ST18: variants seen among roughly 807,000 people sequenced by gnomAD.
ST18 encodes suppression of tumorigenicity 18 protein.
Under a neutral mutation model 110.0 loss-of-function variants are expected in ST18, and 50 were observed. The observed-to-expected ratio is 0.45, with a 90% CI of 0.36 to 0.58. The LOEUF is 0.58. ST18 is among the 20% of genes least tolerant of loss of function. The probability of loss-of-function intolerance (pLI) is 0.00; values close to 1 mark genes in which losing one functional copy is unlikely to be tolerated. For synonymous variants in ST18, 461 were observed against 452.4 expected (o/e 1.02, Z -0.24); for missense variants, 1,306 against 1,280.1 (o/e 1.02, Z -0.31).
At chr8:52,180,351 G>A (rs1283953773) in intron 8 of ST18, 39 bp from the exon 9 acceptor site, 3 of 1,598,460 alleles carry the variant, frequency 1.9e-6, no homozygotes, top group Non-Finnish European at 2.6e-6. Flanking sequence ...TGGTAAATTA[G>A]CATTTACTGC....
Position 52,347,819 on chromosome 8 carries a change from C to A in ST18, c.-465+61509G>T, listed in dbSNP as rs146372255. On this transcript the variant is annotated intron_variant, in intron 2 of 25. Transcript: ENST00000689386. ...TGGAGCCTGGATTCAAATCCACCTC[C>A]TCTGGCTTTGAGCATGTGCACTTGA... Among the ~76,000 whole-genome samples the A allele has an allele frequency of 3.8e-3, 580 of 152,310 alleles. 7 individuals are homozygous for A. Among genetic ancestry groups the A allele is most frequent in the East Asian group, 0.03 (156 of 5,180 alleles).
chr8:52,325,893 T>C (rs1430108063), intron 2 of ST18, among the ~76,000 whole-genome samples: 2 of 152,168 alleles, frequency 1.3e-5, no homozygotes, highest in Non-Finnish European at 2.9e-5. Flanking sequence ...TACCCATTTG[T>C]TGGAAGTCCC....
chr8:52,327,991 C>G (rs962512537), intron 2 of ST18, among the ~76,000 whole-genome samples: 2 of 152,126 alleles, frequency 1.3e-5, no homozygotes, highest in Non-Finnish European at 2.9e-5. Context: ...TGCTGATATC[C>G]CATCTGGAAA....
chr8:52,148,172 G>C (rs1248805462), intron 16 of ST18, among the ~76,000 whole-genome samples: 3 of 152,160 alleles, frequency 2.0e-5, no homozygotes, highest in Admixed American at 6.5e-5. Flanking sequence ...GCTGGCATCA[G>C]TTTCACATTC....
At chr8:52,302,616 C>G (rs952936031) in intron 2 of ST18, among the ~76,000 whole-genome samples, 1 of 152,076 alleles carries the variant, frequency 6.6e-6, no homozygotes, top group African/African-American at 2.4e-5. Context: ...AAGGGCAGAA[C>G]AGTACAAAGT....
At chr8:52,267,774 C>A (rs2138809747) in intron 2 of ST18, among the ~76,000 whole-genome samples, 1 of 152,322 alleles carries the variant, frequency 6.6e-6, no homozygotes, top group Middle Eastern at 3.4e-3. Flanking sequence ...ACCTGGGAAT[C>A]CACGGAGAGC....
intron 2 of ST18, among the ~76,000 whole-genome samples, chr8:52,377,730 T>A (rs552352362): frequency 6.6e-6 from 1 of 152,248 alleles, no homozygotes; most frequent in East Asian, 1.9e-4. Flanking sequence ...TATGATATGA[T>A]CCAGCAATCC....
At chr8:52,196,334 A>G (rs1428751194) in intron 8 of ST18, among the ~76,000 whole-genome samples, 2 of 152,186 alleles carry the variant, frequency 1.3e-5, no homozygotes, top group Non-Finnish European at 2.9e-5. Flanking sequence ...CTTAAATACA[A>G]GTATCTTCAT....
intron 2 of ST18, among the ~76,000 whole-genome samples, chr8:52,386,338 A>G (rs192938440): frequency 7.9e-5 from 12 of 152,314 alleles, no homozygotes; most frequent in Admixed American, 3.9e-4. Context: ...AAAGATTGCA[A>G]TGAAATATCA....
intron 11 of ST18, among the ~76,000 whole-genome samples, chr8:52,166,041 C>T (rs902941292): frequency 2.0e-4 from 31 of 152,158 alleles, no homozygotes; most frequent in Admixed American, 3.9e-4. Context: ...CCTGAGACAA[C>T]ACCAAGGAGT....
chr8:52,329,670 G>T (rs1409863108), intron 2 of ST18, among the ~76,000 whole-genome samples: 2 of 152,070 alleles, frequency 1.3e-5, no homozygotes, highest in African/African-American at 2.4e-5. Context: ...CAGAAGAATT[G>T]CTTGAACCCA....
At chr8:52,239,702 T>C (rs2093180320) in intron 2 of ST18, among the ~76,000 whole-genome samples, 1 of 152,214 alleles carries the variant, frequency 6.6e-6, no homozygotes, top group Admixed American at 6.5e-5. Flanking sequence ...CCCCAACGTG[T>C]GGTCTCTATT....
intron 13 of ST18, among the ~76,000 whole-genome samples, chr8:52,162,771 A>T (rs1411625047): frequency 6.6e-6 from 1 of 152,192 alleles, no homozygotes; most frequent in African/African-American, 2.4e-5. Flanking sequence ...ATGGTAAGAG[A>T]ACATAAACAA....
chr8:52,316,036 G>A (rs2096019039), intron 2 of ST18, among the ~76,000 whole-genome samples: 1 of 152,120 alleles, frequency 6.6e-6, no homozygotes, highest in Admixed American at 6.6e-5. Context: ...AATTACTGTG[G>A]TGTTTTGTAT....
intron 22 of ST18, 83 bp from the exon 23 acceptor site, chr8:52,126,223 T>C: frequency 7.4e-7 from 1 of 1,347,110 alleles, no homozygotes; most frequent in Non-Finnish European, 1.0e-6. Flanking sequence ...CAACCTACTA[T>C]TTGTGTTTTT....
intron 2 of ST18, among the ~76,000 whole-genome samples, chr8:52,259,934 AT>A: frequency 6.6e-6 from 1 of 152,308 alleles, no homozygotes; most frequent in East Asian, 1.9e-4. Context: ...GTCATTTTTT[AT>A]AAGAAATTTA....
intron 8 of ST18, among the ~76,000 whole-genome samples, chr8:52,187,043 TAAAAA>T (rs558397784): frequency 1.3e-5 from 2 of 149,350 alleles, no homozygotes; most frequent in African/African-American, 4.9e-5. Flanking sequence ...TAAGTTTACT[TAAAAA>T]AAAAAGAGTC....
intron 24 of ST18, among the ~76,000 whole-genome samples, chr8:52,117,246 G>T (rs76212952): frequency 6.6e-6 from 1 of 151,964 alleles, no homozygotes; most frequent in Non-Finnish European, 1.5e-5. Context: ...CGCTTGCAGG[G>T]TTTCTTCTGT....
At chr8:52,148,741 G>A (rs1012412024) in intron 16 of ST18, among the ~76,000 whole-genome samples, 10 of 151,520 alleles carry the variant, frequency 6.6e-5, no homozygotes, top group Admixed American at 5.3e-4. Flanking sequence ...GAAGGGAAGG[G>A]AAGGGGGAAA....
Sources: gnomAD v4.1 joint callset for allele counts (sites outside exome capture counted in the v4.1 genomes callset) on GRCh38, gnomAD v4.1.1 for gene constraint, MANE v1.5 for transcripts, NCBI Gene and HGNC (gene_info 2026-07-23, HGNC 2026-07-21) for gene names.